Variants in IKZF3 observed in about 807,000 individuals in gnomAD.
IKZF3 encodes zinc finger protein Aiolos.
IKZF3 carries 10 observed loss-of-function variants against 49.0 expected under a neutral mutation model. That is an observed-to-expected ratio of 0.20 (90% CI 0.13 to 0.35). The LOEUF (loss-of-function observed/expected upper bound fraction) is 0.35. IKZF3 is among the 10% of genes least tolerant of loss of function. The pLI, the probability that IKZF3 is intolerant of heterozygous loss-of-function variation, is 1.00. For synonymous variants in IKZF3, 209 were observed against 228.2 expected, an observed-to-expected ratio of 0.92 and a Z score of 0.76; for missense variants, 498 against 664.8, an observed-to-expected ratio of 0.75 and a Z score of 2.76.
chr17:39,787,342 C>T, intron 6 of IKZF3, among the ~76,000 whole-genome samples: 1 of 152,222 alleles, frequency 6.6e-6, no homozygotes, highest in Non-Finnish European at 1.5e-5. Flanking sequence ...AACCAATTGC[C>T]AGTAGGCATC....
In IKZF3 at chr17:39,798,334, T is replaced by G. The variant is rs567401451; in HGVS notation, c.164-5401A>C. ...ACTGCCAACAAAATAAAGTCCAAAC[T>G]CAGAAACAAATAATTTAAAAGGCCT... On this transcript the variant is annotated intron_variant, in intron 3 of 7. Transcript: ENST00000346872. 9.9e-5 allele frequency among the ~76,000 whole-genome samples: 15 copies of G among 152,186 alleles called. No individual in the cohort carries two copies. The South Asian group carries it at 1.9e-3, about 19-fold the overall frequency.
At chr17:39,791,705 T>C (rs2061026665) in intron 4 of IKZF3, 122 bp from the exon 5 acceptor site, 2 of 996,252 alleles carry the variant, frequency 2.0e-6, no homozygotes, top group Non-Finnish European at 3.0e-6. Context: ...TGGGATCAGT[T>C]GGGAGCTGCA....
At chr17:39,782,011 C>G (rs1369413629) in intron 6 of IKZF3, among the ~76,000 whole-genome samples, 1 of 152,156 alleles carries the variant, frequency 6.6e-6, no homozygotes, top group African/African-American at 2.4e-5. Flanking sequence ...CACCCACACC[C>G]TCTTTCTGGG....
At chr17:39,849,999 G>C (rs1303547937) in intron 1 of IKZF3, among the ~76,000 whole-genome samples, 1 of 148,122 alleles carries the variant, frequency 6.8e-6, no homozygotes, top group Non-Finnish European at 1.5e-5. Flanking sequence ...TTAGAACCCA[G>C]AAATGGTATT....
intron 3 of IKZF3, among the ~76,000 whole-genome samples, chr17:39,798,977 C>G (rs2061245833): frequency 1.6e-5 from 2 of 126,320 alleles, no homozygotes; most frequent in Non-Finnish European, 3.3e-5. Flanking sequence ...AGAAGCTATA[C>G]AGATTGTGTG....
chr17:39,788,238 C>T lies in IKZF3; in HGVS notation c.709+20G>A, dbSNP rs1389466385. 4.8e-6 allele frequency: 7 copies of T among 1,459,006 alleles called. No homozygotes were observed. The African/African-American group carries it at 5.6e-5, about 12-fold the overall frequency. The allele number at this position is 1,459,006 out of a possible 1,614,324, so 90.4% of individuals were successfully genotyped here. On this transcript the variant is annotated intron_variant, in intron 6 of 7. Coordinates refer to ENST00000346872, the MANE Select transcript of IKZF3 (RefSeq NM_012481.5). ...CCTAGGACAGCAGATGCTCACTAAA[C>T]GTGTGTTGCGTGAACTCACCAGTGT...
chr17:39,789,478 G>A (rs534354938), intron 5 of IKZF3, among the ~76,000 whole-genome samples: 2 of 152,272 alleles, frequency 1.3e-5, no homozygotes, highest in East Asian at 1.9e-4. Flanking sequence ...CAGAAGAATC[G>A]CTTGAACCTG....
At chr17:39,791,269 G>A in intron 5 of IKZF3, 147 bp downstream of exon 5, 1 of 731,546 alleles carries the variant, frequency 1.4e-6, no homozygotes, top group Non-Finnish European at 2.2e-6. Context: ...TAATGGTCGT[G>A]TAATTAGCCC....
intron 6 of IKZF3, among the ~76,000 whole-genome samples, chr17:39,779,515 A>T (rs1567970472): frequency 1.3e-5 from 2 of 152,188 alleles, no homozygotes; most frequent in East Asian, 3.8e-4. Context: ...AGCTTCTCTA[A>T]ATACAAGGCT....
rs573024064 is a variant in IKZF3 at position 39,863,956 on chromosome 17, G to A, written c.7+164C>T. 2.6e-5 allele frequency among the ~76,000 whole-genome samples: 4 copies of A among 152,196 alleles called. No individual in the cohort carries two copies. In the South Asian group the frequency reaches 8.3e-4, roughly 32 times the overall value. On this transcript the variant is annotated intron_variant, in intron 1 of 7. Coordinates refer to ENST00000346872, the MANE Select transcript of IKZF3 (RefSeq NM_012481.5). ...GGCGGGGGAAGGACAAGTGAGAGAC[G>A]TTAAGAGAACCGACGCGCTTTGTCC... is the stretch of plus-strand genomic sequence containing the variant.
chr17:39,847,749 T>C (rs2062677178), intron 1 of IKZF3, among the ~76,000 whole-genome samples: 1 of 152,098 alleles, frequency 6.6e-6, no homozygotes, highest in South Asian at 2.1e-4. Flanking sequence ...TTTATTATTT[T>C]CCCCATTTTA....
At chr17:39,840,344 T>C (rs2062430443) in intron 1 of IKZF3, among the ~76,000 whole-genome samples, 1 of 152,226 alleles carries the variant, frequency 6.6e-6, no homozygotes, top group African/African-American at 2.4e-5. Flanking sequence ...ACTCTGAGGC[T>C]GAAATGGGGC....
At chr17:39,791,388 A>G (rs754679676) in intron 5 of IKZF3, 28 bp downstream of exon 5, 1 of 1,611,148 alleles carries the variant, frequency 6.2e-7, no homozygotes, top group South Asian at 1.1e-5. Context: ...CACTTCCTAG[A>G]CAAGGAATGC....
chr17:39,857,580 C>T (rs1422804022), intron 1 of IKZF3, among the ~76,000 whole-genome samples: 2 of 152,154 alleles, frequency 1.3e-5, no homozygotes, highest in Non-Finnish European at 2.9e-5. Context: ...GCCGTATTCA[C>T]GCATTGGATT....
At chr17:39,853,709 C>T (rs1801595380) in intron 1 of IKZF3, among the ~76,000 whole-genome samples, 1 of 151,844 alleles carries the variant, frequency 6.6e-6, no homozygotes, top group South Asian at 2.1e-4. Flanking sequence ...GTGGCACATG[C>T]CTGTAACCCC....
intron 3 of IKZF3, among the ~76,000 whole-genome samples, chr17:39,809,856 T>C (rs1160133901): frequency 6.6e-6 from 1 of 152,234 alleles, no homozygotes; most frequent in African/African-American, 2.4e-5. Context: ...TTTTCATAAT[T>C]AGTATTATTT....
At chr17:39,864,081 T>C (rs2063295566) in intron 1 of IKZF3, 39 bp downstream of exon 1, 1 of 1,613,026 alleles carries the variant, frequency 6.2e-7, no homozygotes, top group Admixed American at 1.7e-5. Context: ...GTTAAGTTTC[T>C]CAAAGACCCC....
chr17:39,762,804 T>A lies in IKZF3; in HGVS notation c.*2986A>T, dbSNP rs2060209118. 6.6e-6 allele frequency: 1 copy of A among 152,508 alleles called. No individual in the cohort carries two copies. Among genetic ancestry groups the A allele is most frequent in the Non-Finnish European group, 1.5e-5 (1 of 68,310 alleles). The allele number at this position is 152,508 out of a possible 1,614,324, so 9.4% of individuals were successfully genotyped here. A position where few individuals can be genotyped will look rare whatever the true frequency, so the allele number is the denominator to read the frequency against. On this transcript the variant is annotated 3_prime_UTR_variant, in exon 8 of 8. Transcript: ENST00000346872. Reference sequence around the variant, plus strand: ...TGGGAGGCTGAGGCAGGAGAATTGCTTGAACCCGGGAGGCGGAGGTTGCCG... The same window carrying A: ...TGGGAGGCTGAGGCAGGAGAATTGCATGAACCCGGGAGGCGGAGGTTGCCG...
Position 39,824,689 on chromosome 17 carries a change from A to G in IKZF3, c.163+4698T>C, listed in dbSNP as rs374807181. Among the ~76,000 whole-genome samples the G allele has an allele frequency of 3.4e-5, 5 of 147,876 alleles. No individual in the cohort carries two copies. The East Asian group carries it at 7.9e-4, about 23-fold the overall frequency. The stretch of plus-strand genomic sequence containing the variant: ...AGTGAGTGAGTTCTCATAAGATCTG[A>G]TGGCTTTTTTTTTTTTTTCCTTTTG... On this transcript the variant is annotated intron_variant, in intron 3 of 7. Transcript: ENST00000346872.
Sources: gnomAD v4.1 joint callset for allele counts (sites outside exome capture counted in the v4.1 genomes callset) on GRCh38, gnomAD v4.1.1 for gene constraint, MANE v1.5 for transcripts, NCBI Gene and HGNC (gene_info 2026-07-23, HGNC 2026-07-21) for gene names.